Variants in FRMD3 observed in about 807,000 individuals in gnomAD.
FRMD3 encodes the protein FERM domain-containing protein 3.
FRMD3 carries 33 observed loss-of-function variants against 70.2 expected under a neutral mutation model. The observed-to-expected ratio is 0.47, with a 90% CI of 0.36 to 0.63. The LOEUF (loss-of-function observed/expected upper bound fraction) is 0.63, where lower values mean the gene tolerates loss of function less well. FRMD3 is among the 20% of genes least tolerant of loss of function. FRMD3 has a pLI of 0.00. For missense variants in FRMD3, 632 were observed against 711.4 expected (o/e 0.89, Z 1.27); for synonymous variants, 279 against 255.9 (o/e 1.09, Z -0.86).
At chr9:83,485,595 C>A (rs1446040782) in intron 1 of FRMD3, among the ~76,000 whole-genome samples, 1 of 152,162 alleles carries the variant, frequency 6.6e-6, no homozygotes, top group African/African-American at 2.4e-5. Context: ...TGCACTGATT[C>A]CCCACTTCAG....
At position 83,272,330 on chromosome 9, in the gene FRMD3, GCTC is replaced by G. The variant is rs1362687231; in HGVS notation, c.1195+18270_1195+18272del. ...GCTGTGTTGGCCGGGCTGGTCTCCA[GCTC>G]CTAACCCCAAGTGATCTGCCAGCCT... On this transcript the variant is annotated intron_variant, in intron 13 of 13. Coordinates refer to ENST00000304195, the MANE Select transcript of FRMD3 (RefSeq NM_174938.6). 5.9e-5 allele frequency among the ~76,000 whole-genome samples: 9 copies of G among 152,090 alleles called. No individual in the cohort carries two copies. In the East Asian group the frequency reaches 1.8e-3, roughly 30 times the overall value.
At position 83,488,972 on chromosome 9, in the gene FRMD3, TTGTGTGTGTGTGTGTGTG is replaced by T. The variant is rs4014025; in HGVS notation, c.147+49095_147+49112del. On this transcript the variant is annotated intron_variant, in intron 1 of 13. Coordinates refer to ENST00000304195, the MANE Select transcript of FRMD3 (RefSeq NM_174938.6). ...AGCTGGAGCTTAGCCCCCTATACCT[TTGTGTGTGTGTGTGTGTG>T]TGTGTGTGTGTGTGTGTGTGTGTGT... Among the ~76,000 whole-genome samples the T allele has an allele frequency of 7.5e-4, 102 of 135,638 alleles. 1 individual carries two copies. In the South Asian group the frequency reaches 9.4e-3, roughly 13 times the overall value. 89.0% of individuals were successfully genotyped at this position (135,638 alleles called of 152,430 possible).
chr9:83,306,908 T>C (rs1422611431), intron 10 of FRMD3, among the ~76,000 whole-genome samples: 1 of 152,184 alleles, frequency 6.6e-6, no homozygotes, highest in Admixed American at 6.5e-5. Flanking sequence ...AAATGATGGT[T>C]GGACAACATT....
At chr9:83,251,520 G>A (rs1448612087) in intron 13 of FRMD3, among the ~76,000 whole-genome samples, 1 of 152,206 alleles carries the variant, frequency 6.6e-6, no homozygotes, top group Admixed American at 6.5e-5. Context: ...GGCTGAGATG[G>A]ATGAATTGAC....
chr9:83,547,504 T>C, the FRMD3 span, among the ~76,000 whole-genome samples: 1 of 151,876 alleles, frequency 6.6e-6, no homozygotes, highest in Non-Finnish European at 1.5e-5. Flanking sequence ...TAAATATATA[T>C]GCCCCCAACA....
chr9:83,324,377 G>A (rs1360693864), intron 6 of FRMD3, among the ~76,000 whole-genome samples: 1 of 152,158 alleles, frequency 6.6e-6, no homozygotes, highest in East Asian at 1.9e-4. Context: ...GGGGCACATA[G>A]GAGACTTCAG....
chr9:83,349,577 G>C, intron 4 of FRMD3, 102 bp downstream of exon 4: 3 of 715,728 alleles, frequency 4.2e-6, no homozygotes. Flanking sequence ...TTGCAACACT[G>C]AGACGGTCAG....
chr9:83,348,816 C>A (rs575468476), intron 4 of FRMD3, among the ~76,000 whole-genome samples: 18 of 152,236 alleles, frequency 1.2e-4, no homozygotes, highest in African/African-American at 3.9e-4. Flanking sequence ...ACCACCTGCT[C>A]CCTCCCAAAG....
At chr9:83,528,637 C>T (rs1829733287) in intron 1 of FRMD3, among the ~76,000 whole-genome samples, 2 of 152,110 alleles carry the variant, frequency 1.3e-5, no homozygotes, top group South Asian at 4.1e-4. Flanking sequence ...TTAAGCAATC[C>T]TCCCACCTCA....
chr9:83,420,501 C>G (rs1826601152), intron 1 of FRMD3, among the ~76,000 whole-genome samples: 1 of 152,192 alleles, frequency 6.6e-6, no homozygotes, highest in African/African-American at 2.4e-5. Context: ...CTAATGGCAA[C>G]AGTAAACCTA....
chr9:83,286,334 CTTTT>C (rs35896378), intron 13 of FRMD3, among the ~76,000 whole-genome samples: 2 of 148,774 alleles, frequency 1.3e-5, no homozygotes, highest in Admixed American at 6.6e-5. Context: ...TTAGAGAACA[CTTTT>C]TTTTTTTTTT....
chr9:83,477,625 A>T (rs961554423), intron 1 of FRMD3, among the ~76,000 whole-genome samples: 1 of 152,158 alleles, frequency 6.6e-6, no homozygotes, highest in African/African-American at 2.4e-5. Context: ...TTCTATTACT[A>T]CTGAAGAAAA....
At chr9:83,440,635 C>T (rs917882877) in intron 1 of FRMD3, among the ~76,000 whole-genome samples, 7 of 152,174 alleles carry the variant, frequency 4.6e-5, no homozygotes, top group South Asian at 2.1e-4. Context: ...AAAGGGAACA[C>T]CTACGCTATC....
chr9:83,447,435 C>T (rs182604440), intron 1 of FRMD3, among the ~76,000 whole-genome samples: 1 of 152,318 alleles, frequency 6.6e-6, no homozygotes, highest in East Asian at 1.9e-4. Context: ...CCAGCACCAA[C>T]CAGAGATAAA....
intron 5 of FRMD3, 127 bp downstream of exon 5, chr9:83,343,063 C>T (rs1823827888): frequency 1.4e-6 from 1 of 716,530 alleles, no homozygotes; most frequent in African/African-American, 1.8e-5. Context: ...TTGCTACGTA[C>T]CCAGCCCTAC....
At position 83,254,323 on chromosome 9, in the gene FRMD3, AATATATTTTTAATATTT is replaced by A. The variant is rs529925377; in HGVS notation, c.1196-5824_1196-5808del. Among the ~76,000 whole-genome samples the A allele has an allele frequency of 3.2e-3, 465 of 143,338 alleles. 2 individuals are homozygous for A. The highest frequency in any genetic ancestry group is 0.011 in the African/African-American group (433 of 40,644). The allele number at this position is 143,338 out of a possible 152,430, so 94.0% of individuals were successfully genotyped here. On this transcript the variant is annotated intron_variant, in intron 13 of 13. Transcript: ENST00000304195. ...CAACTGAGAGGAATCACTGGTTTTT[AATATATTTTTAATATTT>A]TAAAAATATTTCAAATTTATAATAA...
At chr9:83,243,833 C>CTGTT (rs749034393), downstream of FRMD3, among the ~76,000 whole-genome samples, 10 of 152,110 alleles carry the variant, frequency 6.6e-5, no homozygotes, top group Non-Finnish European at 8.8e-5. Flanking sequence ...TTTGGTTTAA[C>CTGTT]TGTTAGGTAT....
At chr9:83,540,356 A>G (rs1488101652), upstream of FRMD3, among the ~76,000 whole-genome samples, 2 of 152,240 alleles carry the variant, frequency 1.3e-5, no homozygotes, top group Non-Finnish European at 2.9e-5. Flanking sequence ...ATACCCAAAA[A>G]TTGTTACCCC....
chr9:83,435,634 T>C (rs1587849999), intron 1 of FRMD3, among the ~76,000 whole-genome samples: 1 of 152,036 alleles, frequency 6.6e-6, no homozygotes, highest in East Asian at 1.9e-4. Flanking sequence ...AGAAGCCATG[T>C]TGATTGTAAT....
Sources: allele counts gnomAD v4.1 joint callset (sites outside exome capture counted in the v4.1 genomes callset), GRCh38; gene constraint gnomAD v4.1.1; transcripts MANE v1.5; gene names NCBI Gene and HGNC (gene_info 2026-07-23, HGNC 2026-07-21).